The following PI4KA variants were observed in gnomAD, a reference collection of about 807,000 sequenced individuals.
The protein encoded by PI4KA is PI4-kinase alpha.
Under a neutral mutation model 271.4 loss-of-function variants are expected in PI4KA, and 122 were observed. That is an observed-to-expected ratio of 0.45 (90% CI 0.39 to 0.52). PI4KA has a LOEUF of 0.52. PI4KA is among the 20% of genes least tolerant of loss of function. The pLI is 0.00. For synonymous variants in PI4KA, 1,041 were observed against 1,078.8 expected (o/e 0.96, Z 0.69); for missense variants, 1,969 against 2,769.1 (o/e 0.71, Z 6.48).
At chr22:20,817,733 CCAAAAAAAAAAAAAAA>C (rs1182892383) in intron 7 of PI4KA, among the ~76,000 whole-genome samples, 21 of 21,392 alleles carry the variant, frequency 9.8e-4, no homozygotes, top group Non-Finnish European at 1.7e-3. Flanking sequence ...GACTCTCTCT[CCAAAAAAAAAAAAAAA>C]AAAAAAAAAA....
chr22:20,780,284 ACTGTAG>A, intron 19 of PI4KA: 1 of 1,588,152 alleles, frequency 6.3e-7, no homozygotes, highest in South Asian at 1.1e-5. Context: ...CAAGAACTGT[ACTGTAG>A]CTATAATTTA....
chr22:20,726,170 G>A (rs1215574399), intron 42 of PI4KA: 1 of 281,342 alleles, frequency 3.6e-6, no homozygotes, highest in Non-Finnish European at 6.6e-6. Flanking sequence ...TCCGGCTGAA[G>A]AGGGCAGGAT....
intron 3 of PI4KA, among the ~76,000 whole-genome samples, chr22:20,825,567 C>CT (rs1923297951): frequency 6.6e-6 from 1 of 152,092 alleles, no homozygotes; most frequent in Non-Finnish European, 1.5e-5. Flanking sequence ...TGCACTACAG[C>CT]TTGGAGTGCA....
chr22:20,754,896 T>C (rs1175529974), intron 23 of PI4KA, among the ~76,000 whole-genome samples: 2 of 152,110 alleles, frequency 1.3e-5, no homozygotes, highest in Non-Finnish European at 2.9e-5. Context: ...TGCAGTGAGC[T>C]GAGATCATGC....
rs578184060 is a variant in PI4KA, at chr22:20,722,592, T to C, written c.4996-1174A>G. On this transcript the variant is annotated intron_variant, in intron 42 of 54. Transcript: ENST00000255882. ...CTTCTTGGTCATTTTCCGCCACTCATAGTAGTAACTCCAGTTTTTCTTTTT... is the reference window on the plus strand; with the variant it reads ...CTTCTTGGTCATTTTCCGCCACTCACAGTAGTAACTCCAGTTTTTCTTTTT... 5.9e-5 allele frequency among the ~76,000 whole-genome samples: 9 copies of C among 152,338 alleles called. No homozygotes were observed. In the East Asian group the frequency reaches 1.3e-3, roughly 23 times the overall value.
intron 23 of PI4KA, among the ~76,000 whole-genome samples, chr22:20,756,689 G>A (rs985476721): frequency 3.3e-5 from 5 of 152,004 alleles, no homozygotes; most frequent in African/African-American, 4.8e-5. Flanking sequence ...GGAGCGCAGT[G>A]GTGTGATCTT....
chr22:20,717,760 G>A lies in PI4KA; in HGVS notation c.5265C>T (p.Asp1755=), dbSNP rs1307865694. The change falls in exon 45 of 55, where the codon GAC becomes GAT. Residue 1755 remains aspartate, a synonymous_variant. Coordinates refer to ENST00000255882, the MANE Select transcript of PI4KA (RefSeq NM_058004.4). ...SAIIKPYPKG[D]ERKKACLSAL... is the part of the protein sequence containing the mutation. Reference sequence around the variant, plus strand: ...CCGACAGACAAGCCTTCTTTCTCTCGTCGCCTTTAGGGTAGGGCCTGAGAA... The same window carrying A: ...CCGACAGACAAGCCTTCTTTCTCTCATCGCCTTTAGGGTAGGGCCTGAGAA... The A allele has an allele frequency of 5.4e-5, 85 of 1,573,680 alleles. No homozygotes were observed. The highest frequency in any genetic ancestry group is 1.5e-4 in the South Asian group (13 of 86,052).
chr22:20,722,046 C>T (rs1926797221), intron 42 of PI4KA: 1 of 152,294 alleles, frequency 6.6e-6, no homozygotes, highest in African/African-American at 2.4e-5. Flanking sequence ...CACACACTTG[C>T]TCTCTTTCGC....
At chr22:20,789,952 C>T (rs9620548) in intron 19 of PI4KA, among the ~76,000 whole-genome samples, 4,522 of 152,214 alleles carry the variant, frequency 0.03, 223 homozygotes, top group African/African-American at 0.1. Flanking sequence ...AACTTGCTCT[C>T]AGTGAAATAC....
intron 23 of PI4KA, among the ~76,000 whole-genome samples, chr22:20,757,692 C>G (rs193217533): frequency 5.8e-4 from 88 of 152,142 alleles, no homozygotes; most frequent in Non-Finnish European, 1.0e-3. Flanking sequence ...TACAGGCACA[C>G]GCCACCGCAC....
At chr22:20,756,120 G>A (rs573530378) in intron 23 of PI4KA, among the ~76,000 whole-genome samples, 16 of 152,202 alleles carry the variant, frequency 1.1e-4, no homozygotes, top group Non-Finnish European at 2.1e-4. Context: ...CTGGACAGAT[G>A]CTCAAGGGTA....
At chr22:20,766,056 G>A (rs1241408990) in intron 19 of PI4KA, among the ~76,000 whole-genome samples, 1 of 152,174 alleles carries the variant, frequency 6.6e-6, no homozygotes, top group Non-Finnish European at 1.5e-5. Context: ...CAGGAAAGAA[G>A]AGAAGGCAGC....
chr22:20,804,309 G>C lies in PI4KA; in HGVS notation c.1452C>G (p.Cys484Trp). 6.2e-7 allele frequency: 1 copy of C among 1,609,758 alleles called. No homozygotes were observed. Residue 484 changes from cysteine to tryptophan, a missense_variant, in exon 12 of 55, where the codon TGC becomes TGG. Around this residue, in one of 13 missense-constraint regions of PI4KA, gnomAD observed 228 missense variants for 261.6 expected, o/e 0.87. Coordinates refer to ENST00000255882, the MANE Select transcript of PI4KA (RefSeq NM_058004.4). The part of the protein sequence containing the change: ...VIIAHLPLLI[C>W]CLQGLGRLCE... ...GTTCAGGGAGACTGACCTGCAGACA[G>C]CAGATCAGCAGGGGCAAGTGAGCAA...
chr22:20,761,330 T>C lies in PI4KA; in HGVS notation c.2765A>G (p.Asp922Gly). 1 of 1,609,622 alleles carries C rather than the reference T, an allele frequency of 6.2e-7. No homozygotes were observed. The highest frequency in any genetic ancestry group is 1.1e-5 in the South Asian group (1 of 90,970). ...AGATTTGTCTTTCTGAATAGCTTTA[T>C]CCTCAAAGTAGCAGAACATTACCTG... ...RFQVMFCYFEDKAIQKDKSGM... is the reference protein window; with the variant it reads ...RFQVMFCYFEGKAIQKDKSGM... Residue 922 changes from aspartate (D) to glycine (G), a missense_variant, in exon 23 of 55, where the codon GAT (aspartate) becomes GGT (glycine). Around this residue, in one of 13 missense-constraint regions of PI4KA, gnomAD observed 368 missense variants for 544.3 expected, o/e 0.68. Transcript: ENST00000255882.
At chr22:20,831,455 T>G (rs572699580) in intron 3 of PI4KA, among the ~76,000 whole-genome samples, 1 of 152,100 alleles carries the variant, frequency 6.6e-6, no homozygotes, top group African/African-American at 2.4e-5. Flanking sequence ...TAGTCCCCAG[T>G]TACTCAGGAG....
rs1251853278 is a variant in PI4KA, at chr22:20,711,194, T to A, written c.5923+147A>T. 83 of 563,142 alleles carry A rather than the reference T, an allele frequency of 1.5e-4. 1 individual carries two copies. Among genetic ancestry groups the A allele is most frequent in the Non-Finnish European group, 1.9e-4 (61 of 320,616 alleles). The allele number at this position is 563,142 out of a possible 1,614,324, so 34.9% of individuals were successfully genotyped here. ...CACCCTCTACAGCAGAACAGCTTGG[T>A]GGCCGACAGTTCGGACCTCAGAGCT... On this transcript the variant is annotated intron_variant, in intron 51 of 54. Coordinates refer to ENST00000255882, the MANE Select transcript of PI4KA (RefSeq NM_058004.4).
chr22:20,737,892 AAGTGCTGGGATTAC>A (rs1928929149), intron 32 of PI4KA, among the ~76,000 whole-genome samples: 1 of 152,008 alleles, frequency 6.6e-6, no homozygotes, highest in South Asian at 2.1e-4. Context: ...CGGCCTCCCA[AAGTGCTGGGATTAC>A]AGGCGTGAGC....
intron 42 of PI4KA, chr22:20,725,350 A>G: frequency 4.4e-6 from 1 of 224,754 alleles, no homozygotes; most frequent in South Asian, 5.0e-5. Context: ...CTGTGCCATG[A>G]CCTGTGCTGA....
intron 51 of PI4KA, 143 bp downstream of exon 51, chr22:20,711,198 C>T (rs1170101136): frequency 5.3e-6 from 3 of 570,898 alleles, no homozygotes; most frequent in African/African-American, 2.6e-5. Flanking sequence ...GCTTGGTGGC[C>T]GACAGTTCGG....
Sources: allele counts gnomAD v4.1 joint callset (sites outside exome capture counted in the v4.1 genomes callset), GRCh38; gene constraint gnomAD v4.1.1; regional missense constraint gnomAD v4.1.1; transcripts MANE v1.5; gene names NCBI Gene and HGNC (gene_info 2026-07-23, HGNC 2026-07-21).